The following RCAN2 variants were observed in gnomAD, a reference collection of about 807,000 sequenced individuals.
RCAN2 encodes the protein calcipressin-2.
In RCAN2, 9 loss-of-function variants were observed where a neutral mutation model predicts 23.6. That is an observed-to-expected ratio of 0.38 (90% CI 0.23 to 0.67). The LOEUF (loss-of-function observed/expected upper bound fraction) is 0.67, where lower values mean the gene tolerates loss of function less well. Among genes scored for constraint, RCAN2 ranks in the 30% least tolerant of loss-of-function variants. The probability of loss-of-function intolerance (pLI) is 0.51; values close to 1 mark genes in which losing one functional copy is unlikely to be tolerated. For missense variants in RCAN2, 273 were observed against 302.3 expected, an observed-to-expected ratio of 0.90 and a Z score of 0.72; for synonymous variants, 109 against 115.7, an observed-to-expected ratio of 0.94 and a Z score of 0.37.
intron 2 of RCAN2, among the ~76,000 whole-genome samples, chr6:46,276,136 G>A (rs1561838929): frequency 1.3e-5 from 2 of 152,202 alleles, no homozygotes; most frequent in African/African-American, 2.4e-5. Flanking sequence ...AACCTAGGAG[G>A]TGGAGGTTGC....
intron 1 of RCAN2, chr6:46,468,835 T>A (rs1212351498): frequency 1.0e-6 from 1 of 985,260 alleles, no homozygotes; most frequent in Non-Finnish European, 1.2e-6. Flanking sequence ...AGTGACTTCC[T>A]GAGTCTCACA....
chr6:46,418,695 G>GTGTATATATATA (rs1299386089), intron 2 of RCAN2, among the ~76,000 whole-genome samples: 3 of 121,306 alleles, frequency 2.5e-5, no homozygotes, highest in African/African-American at 9.3e-5. Flanking sequence ...ATGTGTGTGT[G>GTGTATATATATA]TATATATATA....
At chr6:46,365,331 C>A (rs533984898) in intron 2 of RCAN2, among the ~76,000 whole-genome samples, 2 of 152,012 alleles carry the variant, frequency 1.3e-5, no homozygotes, top group South Asian at 4.2e-4. Flanking sequence ...CAACAATTAG[C>A]TGGGCGTGGT....
intron 2 of RCAN2, among the ~76,000 whole-genome samples, chr6:46,306,092 T>A (rs527301715): frequency 6.6e-6 from 1 of 152,120 alleles, no homozygotes; most frequent in East Asian, 1.9e-4. Context: ...GCAGGGTGGT[T>A]TTTTACAAAA....
chr6:46,289,882 TAA>T lies in RCAN2; in HGVS notation c.226-40988_226-40987del, dbSNP rs140433199. Reference sequence around the variant, plus strand: ...TTGCAGTTAGGTATTACCATAGTACTAAGTTTGTGCCACTGAAATGCAAGTGG... The same window carrying T: ...TTGCAGTTAGGTATTACCATAGTACTGTTTGTGCCACTGAAATGCAAGTGG... On this transcript the variant is annotated intron_variant, in intron 2 of 4. Coordinates refer to ENST00000371374, the MANE Select transcript of RCAN2 (RefSeq NM_001251974.2). Among the ~76,000 whole-genome samples the T allele has an allele frequency of 7.4e-4, 113 of 152,306 alleles. No individual in the cohort carries two copies. The East Asian group carries it at 0.019, about 25-fold the overall frequency.
intron 2 of RCAN2, among the ~76,000 whole-genome samples, chr6:46,381,648 A>G (rs1765618863): frequency 6.6e-6 from 1 of 152,108 alleles, no homozygotes; most frequent in South Asian, 2.1e-4. Flanking sequence ...TGGAAAAAAT[A>G]AGTCTCTCAG....
At chr6:46,283,285 A>G (rs988886968) in intron 2 of RCAN2, among the ~76,000 whole-genome samples, 3 of 152,124 alleles carry the variant, frequency 2.0e-5, no homozygotes, top group Non-Finnish European at 4.4e-5. Context: ...CCTACCTATT[A>G]AAACAACATT....
In RCAN2 at chr6:46,221,735, T is replaced by C. The variant is rs1765481863; in HGVS notation, c.*1406A>G. On this transcript the variant is annotated 3_prime_UTR_variant, in exon 5 of 5. Transcript: ENST00000371374. ...TGTTCTTGTGTGTTTTTCTGAGGCT[T>C]GGGTAATGAAAGTACTTCCCCACTC... 2.6e-6 allele frequency: 1 copy of C among 391,712 alleles called. No homozygotes were observed. The highest frequency in any genetic ancestry group is 2.1e-5 in the African/African-American group (1 of 48,460). The allele number at this position is 391,712 out of a possible 1,614,324, so 24.3% of individuals were successfully genotyped here.
At chr6:46,246,007 A>G (rs1336558292) in intron 4 of RCAN2, among the ~76,000 whole-genome samples, 4 of 152,230 alleles carry the variant, frequency 2.6e-5, no homozygotes, top group African/African-American at 7.2e-5. Context: ...TGAGGGCAGT[A>G]TCCCTTCTAA....
chr6:46,368,429 C>A (rs572046177), intron 2 of RCAN2, among the ~76,000 whole-genome samples: 1 of 152,144 alleles, frequency 6.6e-6, no homozygotes, highest in Admixed American at 6.5e-5. Flanking sequence ...CAGCATTAAG[C>A]ATACAGTCAT....
chr6:46,288,672 C>T (rs1762446586), intron 2 of RCAN2, among the ~76,000 whole-genome samples: 2 of 152,268 alleles, frequency 1.3e-5, no homozygotes, highest in Admixed American at 6.5e-5. Flanking sequence ...ATTTATTCCT[C>T]CATTTCCTCT....
At chr6:46,322,651 G>T (rs1763656050) in intron 2 of RCAN2, among the ~76,000 whole-genome samples, 1 of 152,248 alleles carries the variant, frequency 6.6e-6, no homozygotes, top group South Asian at 2.1e-4. Context: ...CATGTAGAAA[G>T]TGGGGATGCC....
chr6:46,488,594 T>A (rs914411435), intron 1 of RCAN2, among the ~76,000 whole-genome samples: 1 of 152,204 alleles, frequency 6.6e-6, no homozygotes, highest in Non-Finnish European at 1.5e-5. Context: ...CAGTAGAAGG[T>A]TAGCACCAGA....
intron 2 of RCAN2, among the ~76,000 whole-genome samples, chr6:46,287,284 T>C (rs1230192017): frequency 3.3e-5 from 5 of 152,192 alleles, no homozygotes; most frequent in Non-Finnish European, 5.9e-5. Context: ...AGAAATGGAT[T>C]TTTGTTTAGA....
chr6:46,349,519 T>A (rs1351981553), intron 2 of RCAN2, among the ~76,000 whole-genome samples: 2 of 151,772 alleles, frequency 1.3e-5, no homozygotes, highest in Non-Finnish European at 2.9e-5. Flanking sequence ...ATTCCACACG[T>A]ATTTCTATGT....
At position 46,456,228 on chromosome 6, in the gene RCAN2, C is replaced by T. The variant is rs539246222; in HGVS notation, c.225+524G>A. 8.0e-4 allele frequency among the ~76,000 whole-genome samples: 122 copies of T among 152,288 alleles called. No individual in the cohort carries two copies. The South Asian group carries it at 0.012, about 15-fold the overall frequency. ...TTACAACACACACATGGCAATACCA[C>T]CATGGTATCAATGAGCAAAGAAGGA... On this transcript the variant is annotated intron_variant, in intron 2 of 4. Transcript: ENST00000371374.
chr6:46,490,265 G>A (rs1769102584), intron 1 of RCAN2, among the ~76,000 whole-genome samples: 1 of 152,202 alleles, frequency 6.6e-6, no homozygotes, highest in Admixed American at 6.5e-5. Flanking sequence ...GTGGAAAACT[G>A]TGGGAATGCA....
chr6:46,304,922 G>A (rs1763016848), intron 2 of RCAN2, among the ~76,000 whole-genome samples: 1 of 152,140 alleles, frequency 6.6e-6, no homozygotes, highest in Non-Finnish European at 1.5e-5. Context: ...TGACAGGTGT[G>A]TGAACGATCT....
chr6:46,311,238 T>A (rs1219487337), intron 2 of RCAN2, among the ~76,000 whole-genome samples: 5 of 152,170 alleles, frequency 3.3e-5, no homozygotes, highest in African/African-American at 1.2e-4. Context: ...CTCTGCCTCC[T>A]GGTTCAGCCC....
Sources: allele counts gnomAD v4.1 joint callset (sites outside exome capture counted in the v4.1 genomes callset), GRCh38; gene constraint gnomAD v4.1.1; transcripts MANE v1.5; gene names NCBI Gene and HGNC (gene_info 2026-07-23, HGNC 2026-07-21).